ADNP: variants seen among roughly 807,000 people sequenced by gnomAD.
ADNP encodes the protein activity dependent neuroprotector homeobox.
A neutral mutation model predicts 84.9 loss-of-function variants in ADNP; 4 were observed. The ratio of observed to expected loss-of-function variants is 0.05; its 90% CI spans 0.02 to 0.11. ADNP has a LOEUF of 0.11. Among genes scored for constraint, ADNP ranks in the 10% least tolerant of loss-of-function variants. The pLI is 1.00. For missense variants in ADNP, 1,132 were observed against 1,326.0 expected, an observed-to-expected ratio of 0.85 and a Z score of 2.27; for synonymous variants, 554 against 468.1, an observed-to-expected ratio of 1.18 and a Z score of -2.37.
chr20:50,915,302 T>C (rs774491730), intron 2 of ADNP, among the ~76,000 whole-genome samples: 1 of 152,236 alleles, frequency 6.6e-6, no homozygotes, highest in Non-Finnish European at 1.5e-5. Flanking sequence ...TAAGCCCTTA[T>C]TCTTCCTATT....
intron 1 of ADNP, among the ~76,000 whole-genome samples, chr20:50,929,261 G>A (rs1438159048): frequency 6.6e-6 from 1 of 152,242 alleles, no homozygotes; most frequent in Admixed American, 6.5e-5. Context: ...AAGAACTCCA[G>A]AGGAAGGGAA....
At chr20:50,900,408 G>A (rs1981852148) in intron 5 of ADNP, among the ~76,000 whole-genome samples, 1 of 152,154 alleles carries the variant, frequency 6.6e-6, no homozygotes, top group Non-Finnish European at 1.5e-5. Flanking sequence ...ACCTAACAGG[G>A]CATTTCTCAG....
intron 2 of ADNP, among the ~76,000 whole-genome samples, chr20:50,906,623 T>C (rs1024157627): frequency 5.3e-5 from 8 of 152,186 alleles, no homozygotes; most frequent in African/African-American, 1.9e-4. Flanking sequence ...AAGCGGCAGC[T>C]TGGGGGAAAG....
rs534409415 is a variant in ADNP at position 50,896,637 on chromosome 20, CAG to C, written c.202-2127_202-2126del. Among the ~76,000 whole-genome samples, 90 of 152,316 alleles carry C rather than the reference CAG, an allele frequency of 5.9e-4. No homozygotes were observed. The South Asian group carries it at 0.014, about 24-fold the overall frequency. On this transcript the variant is annotated intron_variant, in intron 5 of 5. Transcript: ENST00000621696. ...AAACGCATACGTTAGTCTAGGCCTA[CAG>C]AGAGTCAGAATCAACAGTATCACTA...
chr20:50,898,829 G>T (rs921267197), intron 5 of ADNP, among the ~76,000 whole-genome samples: 1 of 152,162 alleles, frequency 6.6e-6, no homozygotes, highest in African/African-American at 2.4e-5. Context: ...TAAAAAGTAG[G>T]AGTACACTCT....
chr20:50,919,041 C>T (rs968240022), intron 2 of ADNP, among the ~76,000 whole-genome samples: 1 of 152,058 alleles, frequency 6.6e-6, no homozygotes, highest in African/African-American at 2.4e-5. Flanking sequence ...TACAATATCA[C>T]CTGAAATAGT....
At position 50,901,099 on chromosome 20, in the gene ADNP, C is replaced by T. The variant is rs138136582; in HGVS notation, c.201+918G>A. ...CCTTTGATGAAGGCAGGTGAACTGA[C>T]ATGCTTGGTAAGAGATTATCTTTTC... On this transcript the variant is annotated intron_variant, in intron 5 of 5. Transcript: ENST00000621696. Among the ~76,000 whole-genome samples the T allele has an allele frequency of 7.9e-3, 1,208 of 152,202 alleles. 24 individuals are homozygous for T. The highest frequency in any genetic ancestry group is 0.028 in the African/African-American group (1,153 of 41,526).
At chr20:50,914,363 C>T in intron 2 of ADNP, 1 of 634,578 alleles carries the variant, frequency 1.6e-6, no homozygotes, top group Non-Finnish European at 2.9e-6. Context: ...CCAAAGGTGC[C>T]CTGGGTTTAG....
intron 5 of ADNP, among the ~76,000 whole-genome samples, chr20:50,901,809 C>G (rs1175806623): frequency 6.6e-6 from 1 of 152,208 alleles, no homozygotes; most frequent in African/African-American, 2.4e-5. Context: ...TTTGTTTCTT[C>G]TTACACCTCA....
chr20:50,895,695 A>AC (rs1173456237), intron 5 of ADNP, among the ~76,000 whole-genome samples: 3 of 152,104 alleles, frequency 2.0e-5, no homozygotes, highest in Admixed American at 2.0e-4. Context: ...GGTGTGTGCC[A>AC]CCACACTAGG....
intron 2 of ADNP, among the ~76,000 whole-genome samples, chr20:50,911,000 T>C (rs1982973204): frequency 6.6e-6 from 1 of 152,200 alleles, no homozygotes. Context: ...CTAGCCATAC[T>C]CATTCCTATT....
intron 2 of ADNP, among the ~76,000 whole-genome samples, chr20:50,920,233 G>C (rs1480576563): frequency 3.1e-5 from 4 of 129,188 alleles, no homozygotes; most frequent in African/African-American, 1.2e-4. Context: ...CTGCACTCCA[G>C]CCTGGGCAAC....
At chr20:50,897,727 T>C (rs555265358) in intron 5 of ADNP, among the ~76,000 whole-genome samples, 19 of 152,262 alleles carry the variant, frequency 1.2e-4, no homozygotes, top group African/African-American at 4.3e-4. Flanking sequence ...ACTCCATCAG[T>C]TGGATCAAAG....
At position 50,926,626 on chromosome 20, in the gene ADNP, C is replaced by T. The variant is rs1173074317; in HGVS notation, c.-90+2025G>A. ...AACTACACGTGATACTTGAACTTTT[C>T]ATCTGTATTTAATAATATGACAATC... On this transcript the variant is annotated intron_variant, in intron 2 of 5. Coordinates refer to ENST00000621696, the MANE Select transcript of ADNP (RefSeq NM_001282531.3). 5.3e-5 allele frequency among the ~76,000 whole-genome samples: 8 copies of T among 152,224 alleles called. No homozygotes were observed. In the East Asian group the frequency reaches 1.5e-3, roughly 29 times the overall value.
chr20:50,903,581 C>A (rs995624125), intron 4 of ADNP, among the ~76,000 whole-genome samples: 10 of 152,186 alleles, frequency 6.6e-5, no homozygotes, highest in African/African-American at 9.7e-5. Context: ...GAGATAAGAA[C>A]TGCTACACTG....
rs192421702 is a variant in ADNP at position 50,926,276 on chromosome 20, C to G, written c.-90+2375G>C. Reference sequence around the variant, plus strand: ...CAAGAGAATGAAGGTTAAACTCCCACTGAAAGTTATTTTACCTTATGTAAG... The same window carrying G: ...CAAGAGAATGAAGGTTAAACTCCCAGTGAAAGTTATTTTACCTTATGTAAG... On this transcript the variant is annotated intron_variant, in intron 2 of 5. Coordinates refer to ENST00000621696, the MANE Select transcript of ADNP (RefSeq NM_001282531.3). 2.4e-4 allele frequency among the ~76,000 whole-genome samples: 36 copies of G among 152,330 alleles called. No individual in the cohort carries two copies. In the East Asian group the frequency reaches 6.7e-3, roughly 29 times the overall value.
chr20:50,930,463 A>G (rs1601005130), intron 1 of ADNP, among the ~76,000 whole-genome samples: 1 of 30,552 alleles, frequency 3.3e-5, no homozygotes, highest in Non-Finnish European at 6.2e-5. Flanking sequence ...TGGGGGGCGG[A>G]CGGGATTAGT....
rs1360931373 is a variant in ADNP at position 50,890,059 on chromosome 20, TTACA to T, written c.*1342_*1345del. 5.9e-6 allele frequency: 2 copies of T among 337,344 alleles called. No homozygotes were observed. Among genetic ancestry groups the T allele is most frequent in the Non-Finnish European group, 1.1e-5 (2 of 189,354 alleles). 20.9% of individuals were successfully genotyped at this position (337,344 alleles called of 1,614,324 possible). On this transcript the variant is annotated 3_prime_UTR_variant, in exon 6 of 6. Coordinates refer to ENST00000621696, the MANE Select transcript of ADNP (RefSeq NM_001282531.3). ...ATTTTTTTTTTTATCATTGAGACAT[TTACA>T]TATATATGCAGGCTCTGCTCCTTAA...
chr20:50,919,300 T>C lies in ADNP; in HGVS notation c.-90+9351A>G, dbSNP rs945291930. 2.4e-3 allele frequency among the ~76,000 whole-genome samples: 326 copies of C among 135,992 alleles called. 12 individuals carry two copies. Among genetic ancestry groups the C allele is most frequent in the African/African-American group, 9.4e-3 (306 of 32,526 alleles). 89.2% of individuals were successfully genotyped at this position (135,992 alleles called of 152,430 possible). On this transcript the variant is annotated intron_variant, in intron 2 of 5. Transcript: ENST00000621696. The stretch of plus-strand genomic sequence containing the variant: ...ATACATATATTTAAGTGTATATATA[T>C]ATATATATATATATATGTAAAAAGC...
Sources: gnomAD v4.1 joint callset for allele counts (sites outside exome capture counted in the v4.1 genomes callset) on GRCh38, gnomAD v4.1.1 for gene constraint, MANE v1.5 for transcripts, NCBI Gene and HGNC (gene_info 2026-07-23, HGNC 2026-07-21) for gene names.